The following C10orf105 variants were observed in gnomAD, a reference collection of about 807,000 sequenced individuals.
C10orf105 encodes the protein uncharacterized protein C10orf105.
In C10orf105, 2 loss-of-function variants were observed where a neutral mutation model predicts 0.6. The ratio of observed to expected loss-of-function variants is 3.18; its 90% CI spans 1.30 to 10.01. The LOEUF (loss-of-function observed/expected upper bound fraction) is 10.01. C10orf105 is among the 30% of genes most tolerant of loss of function. The pLI is 0.04. For missense variants in C10orf105, 209 were observed against 191.4 expected, an observed-to-expected ratio of 1.09 and a Z score of -0.54; for synonymous variants, 95 against 82.4, an observed-to-expected ratio of 1.15 and a Z score of -0.83.
At chr10:71,717,071 C>T (rs1866291735) in intron 1 of C10orf105, 1 of 152,292 alleles carries the variant, frequency 6.6e-6, no homozygotes, top group Admixed American at 6.5e-5. Flanking sequence ...GTGGGGATTC[C>T]TGTGACTGCT....
At position 71,725,361 on chromosome 10, in the gene C10orf105, C is replaced by A. The variant is rs769534244; in HGVS notation, c.-5-9019G>T. The A allele has an allele frequency of 1.1e-5, 18 of 1,613,974 alleles. No individual in the cohort carries two copies. The Admixed American group carries it at 3.0e-4, about 27-fold the overall frequency. On this transcript the variant is annotated intron_variant, in intron 1 of 1. Coordinates refer to the C10orf105 transcript ENST00000398786. Reference sequence around the variant, plus strand: ...GGGCCGGTGTTCCAGGGGGTCTGTCCCTCCACACAGGTAACCATGGCAACA... The same window carrying A: ...GGGCCGGTGTTCCAGGGGGTCTGTCACTCCACACAGGTAACCATGGCAACA...
At chr10:71,720,006 A>G (rs573459780), upstream of C10orf105, among the ~76,000 whole-genome samples, 1 of 152,220 alleles carries the variant, frequency 6.6e-6, no homozygotes, top group South Asian at 2.1e-4. Flanking sequence ...ACGCAGGGGG[A>G]GGGTTTTACT....
rs567677588 is a variant in C10orf105 at position 71,731,858 on chromosome 10, G to A, written c.-6+5870C>T. On this transcript the variant is annotated intron_variant, in intron 1 of 1. Coordinates refer to the C10orf105 transcript ENST00000398786. ...CTGCTGCATCTCTGAGGATGATCCT[G>A]CCGGCAGAGGTGGGGCAGCCCATGC... The A allele has an allele frequency of 9.6e-5, 85 of 884,510 alleles. 1 individual carries two copies. In the East Asian group the frequency reaches 2.1e-3, roughly 22 times the overall value. 54.8% of individuals were successfully genotyped at this position (884,510 alleles called of 1,614,324 possible).
chr10:71,732,403 TTTC>T (rs1274732833), intron 1 of C10orf105: 2 of 1,552,264 alleles, frequency 1.3e-6, no homozygotes, highest in South Asian at 1.2e-5. Flanking sequence ...GGGAGCACCA[TTTC>T]TTCCAATCTA....
chr10:71,725,845 G>A (rs1459742027), intron 1 of C10orf105, among the ~76,000 whole-genome samples: 1 of 152,196 alleles, frequency 6.6e-6, no homozygotes, highest in Non-Finnish European at 1.5e-5. Flanking sequence ...TCACTTGGGT[G>A]ATCTTGGAGG....
chr10:71,718,320 C>G (rs903730112), intron 1 of C10orf105, among the ~76,000 whole-genome samples: 17 of 152,230 alleles, frequency 1.1e-4, no homozygotes, highest in Non-Finnish European at 4.4e-5. Context: ...GCTCCCTGCG[C>G]CCAGCCAACT....
chr10:71,720,972 C>G (rs1003624898), upstream of C10orf105, among the ~76,000 whole-genome samples: 17 of 152,308 alleles, frequency 1.1e-4, no homozygotes, highest in African/African-American at 3.6e-4. Context: ...GCCCAGAGTC[C>G]CCATTGGGAT....
intron 1 of C10orf105, chr10:71,732,689 T>G: frequency 2.3e-6 from 3 of 1,321,920 alleles, no homozygotes; most frequent in Non-Finnish European, 2.9e-6. Context: ...ACATCCATTT[T>G]CATATGTAGG....
intron 1 of C10orf105, chr10:71,717,784 T>G (rs756426165): frequency 4.6e-5 from 7 of 152,184 alleles, no homozygotes; most frequent in Non-Finnish European, 1.5e-5. Context: ...TGGATTTTTT[T>G]AAAGGCAAAC....
At chr10:71,732,463 T>C (rs1360106545) in intron 1 of C10orf105, 1 of 1,513,696 alleles carries the variant, frequency 6.6e-7, no homozygotes, top group Non-Finnish European at 8.9e-7. Context: ...CTCTCCTCTT[T>C]GTCATAAAAT....
At chr10:71,736,886 T>C (rs768151173) in intron 1 of C10orf105, among the ~76,000 whole-genome samples, 1 of 152,158 alleles carries the variant, frequency 6.6e-6, no homozygotes, top group Non-Finnish European at 1.5e-5. Flanking sequence ...GTCAGGGAAC[T>C]AGAAGAGGGC....
chr10:71,736,390 C>T (rs1260757129), intron 1 of C10orf105, among the ~76,000 whole-genome samples: 2 of 152,240 alleles, frequency 1.3e-5, no homozygotes, highest in Non-Finnish European at 2.9e-5. Flanking sequence ...AGCTCACCTC[C>T]ACCTGGCTCC....
chr10:71,734,434 G>A, intron 1 of C10orf105: 1 of 1,484,968 alleles, frequency 6.7e-7, no homozygotes, highest in South Asian at 1.2e-5. Flanking sequence ...CCCAATGTAT[G>A]GGCCAGGCAG....
chr10:71,722,560 C>T (rs151244208), upstream of C10orf105, among the ~76,000 whole-genome samples: 1 of 152,286 alleles, frequency 6.6e-6, no homozygotes, highest in Non-Finnish European at 1.5e-5. Flanking sequence ...AGGGATATCG[C>T]AGTGCACAAA....
rs187975106 is a variant in C10orf105, at chr10:71,712,825, G to A, written c.*3111C>T. The stretch of plus-strand genomic sequence containing the variant: ...ACAGCATCTTGCAGGCAGGTGGCCC[G>A]TGGCCTCTGGGGCAGGTGGTGGGCT... On this transcript the variant is annotated 3_prime_UTR_variant, in exon 2 of 2. Coordinates refer to ENST00000441508, the MANE Select transcript of C10orf105 (RefSeq NM_001164375.3). 7.0e-4 allele frequency: 1,121 copies of A among 1,608,272 alleles called. No homozygotes were observed. Among genetic ancestry groups the A allele is most frequent in the Non-Finnish European group, 8.5e-4 (1,001 of 1,177,774 alleles).
intron 1 of C10orf105, chr10:71,725,652 G>A (rs1866778798): frequency 5.4e-6 from 6 of 1,105,848 alleles, no homozygotes; most frequent in Non-Finnish European, 7.6e-6. Context: ...TGACATCTGG[G>A]CCTAAGGGTT....
At chr10:71,724,161 G>A, upstream of C10orf105, 5 of 1,528,330 alleles carry the variant, frequency 3.3e-6, no homozygotes, top group Non-Finnish European at 4.4e-6. Flanking sequence ...GGAGGGCAGA[G>A]CTTCTCTAGG....
In C10orf105 at chr10:71,712,732, T is replaced by A. The variant is rs1418375672; in HGVS notation, c.*3204A>T. The A allele has an allele frequency of 3.1e-6, 5 of 1,613,718 alleles. No individual in the cohort carries two copies. The highest frequency in any genetic ancestry group is 4.2e-6 in the Non-Finnish European group (5 of 1,179,858). On this transcript the variant is annotated 3_prime_UTR_variant, in exon 2 of 2. Coordinates refer to ENST00000441508, the MANE Select transcript of C10orf105 (RefSeq NM_001164375.3). Reference sequence around the variant, plus strand: ...TGTTCGTCACTGTCCTGGATGTGAATGACAACCGGCCCATCTTTCTGCAGA... The same window carrying A: ...TGTTCGTCACTGTCCTGGATGTGAAAGACAACCGGCCCATCTTTCTGCAGA...
At position 71,716,296 on chromosome 10, in the gene C10orf105, G is replaced by C. The variant is rs970127567; in HGVS notation, c.42C>G (p.Ile14Met). ...GAGCTGAGAGAAAGGCGAGGGGGCT[G>C]ATGGCTGGGGAGCTGGCGAGGCTGG... ...EGPSLASSPA[I>M]SPLAFLSAPV... is the part of the protein sequence containing the mutation. The change falls in exon 2 of 2, where the codon ATC becomes ATG. Residue 14 changes from isoleucine (I) to methionine (M), a missense_variant. Coordinates refer to ENST00000441508, the MANE Select transcript of C10orf105 (RefSeq NM_001164375.3). 4 of 1,515,888 alleles carry C rather than the reference G, an allele frequency of 2.6e-6. No individual in the cohort carries two copies. In the East Asian group the frequency reaches 7.5e-5, roughly 28 times the overall value. The allele number at this position is 1,515,888 out of a possible 1,614,324, so 93.9% of individuals were successfully genotyped here.
Sources: allele counts gnomAD v4.1 joint callset (sites outside exome capture counted in the v4.1 genomes callset), GRCh38; gene constraint gnomAD v4.1.1; transcripts MANE v1.5; gene names NCBI Gene and HGNC (gene_info 2026-07-23, HGNC 2026-07-21).